CNTN4: variants seen among roughly 807,000 people sequenced by gnomAD.
CNTN4 encodes the protein contactin 4.
Under a neutral mutation model 122.5 loss-of-function variants are expected in CNTN4, and 77 were observed. That is an observed-to-expected ratio of 0.63 (90% confidence interval 0.52 to 0.76). The LOEUF is 0.76. Among genes scored for constraint, CNTN4 ranks in the 30% least tolerant of loss-of-function variants. The pLI is 0.00. For synonymous variants in CNTN4, 512 were observed against 447.0 expected (o/e 1.15, Z -1.83); for missense variants, 1,256 against 1,259.1 (o/e 1.00, Z 0.04).
At chr3:2,353,584 A>G (rs1273394440) in intron 3 of CNTN4, among the ~76,000 whole-genome samples, 2 of 152,000 alleles carry the variant, frequency 1.3e-5, no homozygotes, top group African/African-American at 4.8e-5. Context: ...ACCCACCGGG[A>G]GGAATGAGCA....
chr3:2,415,342 T>C (rs917928910), intron 3 of CNTN4, among the ~76,000 whole-genome samples: 1 of 152,026 alleles, frequency 6.6e-6, no homozygotes, highest in Non-Finnish European at 1.5e-5. Flanking sequence ...ACCTGTGCTC[T>C]CTGTGTAAGA....
intron 13 of CNTN4, among the ~76,000 whole-genome samples, chr3:2,973,775 T>C (rs1013963910): frequency 5.3e-5 from 8 of 151,154 alleles, no homozygotes; most frequent in South Asian, 2.1e-4. Flanking sequence ...TGATGATATA[T>C]TGAGGAAGTG....
intron 4 of CNTN4, among the ~76,000 whole-genome samples, chr3:2,630,099 A>G (rs747302438): frequency 6.6e-6 from 1 of 152,208 alleles, no homozygotes; most frequent in Non-Finnish European, 1.5e-5. Flanking sequence ...TCACACAACA[A>G]CAGCAGCATT....
At chr3:2,458,989 G>T (rs1390720334) in intron 3 of CNTN4, among the ~76,000 whole-genome samples, 1 of 152,138 alleles carries the variant, frequency 6.6e-6, no homozygotes, top group Non-Finnish European at 1.5e-5. Context: ...AGACAGATGT[G>T]TGTGAATGTA....
At chr3:2,878,374 T>C (rs2093869131) in intron 8 of CNTN4, among the ~76,000 whole-genome samples, 1 of 152,238 alleles carries the variant, frequency 6.6e-6, no homozygotes. Flanking sequence ...TTAATGGCTA[T>C]TATATATCAC....
intron 2 of CNTN4, among the ~76,000 whole-genome samples, chr3:2,267,371 C>T (rs1365736731): frequency 6.6e-6 from 1 of 152,018 alleles, no homozygotes; most frequent in Non-Finnish European, 1.5e-5. Flanking sequence ...GCAGAAAAAT[C>T]AGCAATTTCA....
At chr3:2,241,396 A>G (rs573451456) in intron 2 of CNTN4, among the ~76,000 whole-genome samples, 2 of 152,252 alleles carry the variant, frequency 1.3e-5, no homozygotes, top group East Asian at 3.9e-4. Flanking sequence ...TCAACTCATT[A>G]TATGTCCCTT....
In CNTN4 at chr3:2,333,374, T is replaced by C. The variant is rs920011541; in HGVS notation, c.-144-5804T>C. ...ACTGTCATCTCAGGGAGAGCCACTG[T>C]TCATTAGCTTAAATTGTCAGCTTTA... On this transcript the variant is annotated intron_variant, in intron 2 of 24. Transcript: ENST00000418658. 3.9e-5 allele frequency among the ~76,000 whole-genome samples: 6 copies of C among 152,216 alleles called. No individual in the cohort carries two copies. In the East Asian group the frequency reaches 1.2e-3, roughly 29 times the overall value.
rs191864239 is a variant in CNTN4, at chr3:2,739,391, A to G, written c.182+3050A>G. ...GTGTATATGATTATGTTCATAGTAT[A>G]TTCACAAATACACATAACCTGGTAT... On this transcript the variant is annotated intron_variant, in intron 5 of 24. Transcript: ENST00000418658. 2.8e-3 allele frequency among the ~76,000 whole-genome samples: 433 copies of G among 152,310 alleles called. 2 individuals carry two copies. Among genetic ancestry groups the G allele is most frequent in the African/African-American group, 9.8e-3 (409 of 41,576 alleles).
intron 4 of CNTN4, among the ~76,000 whole-genome samples, chr3:2,686,885 G>A (rs938832388): frequency 6.6e-6 from 1 of 152,194 alleles, no homozygotes; most frequent in African/African-American, 2.4e-5. Context: ...AAAACAAACA[G>A]TGTACAAATC....
chr3:2,303,395 ACAACCACTAATC>A (rs1381661704), intron 2 of CNTN4, among the ~76,000 whole-genome samples: 5 of 152,096 alleles, frequency 3.3e-5, no homozygotes, highest in African/African-American at 9.7e-5. Flanking sequence ...CCAGCTCTGG[ACAACCACTAATC>A]CACTTTCTGT....
At position 2,677,804 on chromosome 3, in the gene CNTN4, AT is replaced by A. The variant is rs1175068887; in HGVS notation, c.56-58410del. Among the ~76,000 whole-genome samples, 9 of 152,176 alleles carry A rather than the reference AT, an allele frequency of 5.9e-5. No individual in the cohort carries two copies. The South Asian group carries it at 6.2e-4, about 11-fold the overall frequency. On this transcript the variant is annotated intron_variant, in intron 4 of 24. Coordinates refer to ENST00000418658, the MANE Select transcript of CNTN4 (RefSeq NM_175607.3). ...AAGGAGTGAATGTTAGAAAAAAAAAATAACAGGTTTCCTGCAATGCATCTTA... is the reference window on the plus strand; with the variant it reads ...AAGGAGTGAATGTTAGAAAAAAAAAAAACAGGTTTCCTGCAATGCATCTTA...
chr3:2,512,978 A>G (rs2076933170), intron 3 of CNTN4, among the ~76,000 whole-genome samples: 1 of 152,190 alleles, frequency 6.6e-6, no homozygotes, highest in South Asian at 2.1e-4. Flanking sequence ...ATGGTTGTCT[A>G]CATGAGCACA....
At chr3:2,130,309 A>C (rs1248716307) in intron 2 of CNTN4, among the ~76,000 whole-genome samples, 1 of 152,186 alleles carries the variant, frequency 6.6e-6, no homozygotes, top group Non-Finnish European at 1.5e-5. Flanking sequence ...CAGAACTGAC[A>C]CTATAAGCAG....
At chr3:2,212,140 T>A (rs1299331821) in intron 2 of CNTN4, among the ~76,000 whole-genome samples, 1 of 151,964 alleles carries the variant, frequency 6.6e-6, no homozygotes, top group East Asian at 1.9e-4. Flanking sequence ...CCTGGCTATT[T>A]TTTTTTGTAT....
intron 3 of CNTN4, among the ~76,000 whole-genome samples, chr3:2,507,483 G>A (rs117524584): frequency 0.01 from 1,578 of 151,996 alleles, 25 homozygotes; most frequent in South Asian, 0.076. Context: ...TGGTAGGCCC[G>A]ATCACTCTGG....
At chr3:2,280,150 G>C (rs2149888675) in intron 2 of CNTN4, among the ~76,000 whole-genome samples, 1 of 152,056 alleles carries the variant, frequency 6.6e-6, no homozygotes, top group Non-Finnish European at 1.5e-5. Context: ...AATAGAGACA[G>C]GGTTTTCTCA....
intron 3 of CNTN4, among the ~76,000 whole-genome samples, chr3:2,415,095 T>C (rs917819714): frequency 1.3e-5 from 2 of 152,230 alleles, no homozygotes; most frequent in Non-Finnish European, 1.5e-5. Context: ...CTATTTTTTA[T>C]ACTGTGGATG....
At chr3:2,837,170 TTC>T (rs1196709253) in intron 7 of CNTN4, among the ~76,000 whole-genome samples, 1 of 151,902 alleles carries the variant, frequency 6.6e-6, no homozygotes, top group Non-Finnish European at 1.5e-5. Flanking sequence ...TCTTACATGG[TTC>T]TCTGTTGTTA....
Sources: allele counts gnomAD v4.1 joint callset (sites outside exome capture counted in the v4.1 genomes callset), GRCh38; gene constraint gnomAD v4.1.1; transcripts MANE v1.5; gene names NCBI Gene and HGNC (gene_info 2026-07-23, HGNC 2026-07-21).